CDH13: variants seen among roughly 807,000 people sequenced by gnomAD.
CDH13 encodes cadherin-13.
A neutral mutation model predicts 63.8 loss-of-function variants in CDH13; 24 were observed. The ratio of observed to expected loss-of-function variants is 0.38; its 90% CI spans 0.27 to 0.53. The LOEUF (loss-of-function observed/expected upper bound fraction) is 0.53, where lower values mean the gene tolerates loss of function less well. Ranked by LOEUF, CDH13 falls within the 20% of genes least tolerant of loss-of-function variation. The probability of loss-of-function intolerance (pLI) is 0.85; values close to 1 mark genes in which losing one functional copy is unlikely to be tolerated. For synonymous variants in CDH13, 503 were observed against 355.3 expected, an observed-to-expected ratio of 1.42 and a Z score of -4.67; for missense variants, 1,049 against 903.1, an observed-to-expected ratio of 1.16 and a Z score of -2.07.
chr16:83,188,922 T>C (rs9924254), intron 4 of CDH13, among the ~76,000 whole-genome samples: 13,955 of 152,132 alleles, frequency 0.092, 1,298 homozygotes, highest in African/African-American at 0.24. Context: ...AGAGGCACGC[T>C]TGGAGTGAGA....
At chr16:83,693,302 T>G (rs552764884) in intron 10 of CDH13, among the ~76,000 whole-genome samples, 51 of 152,196 alleles carry the variant, frequency 3.4e-4, no homozygotes, top group African/African-American at 1.2e-3. Flanking sequence ...ATAAAAGAAT[T>G]CAGGGAAAGT....
At chr16:82,732,548 A>T (rs1183336213) in intron 1 of CDH13, among the ~76,000 whole-genome samples, 1 of 152,210 alleles carries the variant, frequency 6.6e-6, no homozygotes, top group Non-Finnish European at 1.5e-5. Context: ...CAGGAAGATG[A>T]ATGGAATGGA....
intron 8 of CDH13, among the ~76,000 whole-genome samples, chr16:83,645,195 A>T (rs909942899): frequency 6.6e-6 from 1 of 152,234 alleles, no homozygotes; most frequent in Non-Finnish European, 1.5e-5. Flanking sequence ...GTGTATACAC[A>T]GGTGAAATAC....
chr16:83,483,539 T>C (rs1376875894), intron 6 of CDH13, among the ~76,000 whole-genome samples: 1 of 152,036 alleles, frequency 6.6e-6, no homozygotes, highest in African/African-American at 2.4e-5. Flanking sequence ...TTCATTTTTA[T>C]ACCTTCCATG....
intron 10 of CDH13, among the ~76,000 whole-genome samples, chr16:83,709,073 G>A (rs1567536906): frequency 6.6e-6 from 1 of 151,980 alleles, no homozygotes; most frequent in Non-Finnish European, 1.5e-5. Flanking sequence ...TAAAATGGAG[G>A]CAGGAGGGTC....
intron 8 of CDH13, among the ~76,000 whole-genome samples, chr16:83,650,230 C>A (rs1005164402): frequency 6.6e-6 from 1 of 151,880 alleles, no homozygotes; most frequent in Non-Finnish European, 1.5e-5. Context: ...AAAAAAAATA[C>A]CTTTCTTCTT....
intron 2 of CDH13, among the ~76,000 whole-genome samples, chr16:82,894,667 A>C (rs994427135): frequency 2.0e-5 from 3 of 147,730 alleles, no homozygotes; most frequent in African/African-American, 7.6e-5. Flanking sequence ...AGAAAACAAT[A>C]ATATAATTCA....
intron 8 of CDH13, among the ~76,000 whole-genome samples, chr16:83,647,480 C>T (rs779480770): frequency 2.4e-4 from 36 of 152,256 alleles, no homozygotes; most frequent in Non-Finnish European, 4.3e-4. Flanking sequence ...GATGTTGGCT[C>T]ACTTTGGAAA....
chr16:83,772,157 A>G (rs996748762), intron 11 of CDH13, among the ~76,000 whole-genome samples: 1 of 152,228 alleles, frequency 6.6e-6, no homozygotes, highest in Admixed American at 6.5e-5. Context: ...CAATATTAAG[A>G]AAAGAAGTAG....
intron 8 of CDH13, among the ~76,000 whole-genome samples, chr16:83,631,708 G>A (rs992369478): frequency 3.9e-5 from 6 of 152,022 alleles, no homozygotes; most frequent in African/African-American, 1.4e-4. Flanking sequence ...TGTTGATGAG[G>A]GGAGCCAGCC....
Position 83,101,150 on chromosome 16 carries a change from TTATAATA to T in CDH13, c.367-24230_367-24224del, listed in dbSNP as rs577486756. 1.5e-4 allele frequency among the ~76,000 whole-genome samples: 23 copies of T among 151,768 alleles called. 1 individual carries two copies. In the East Asian group the frequency reaches 4.5e-3, roughly 29 times the overall value. ...ATCCCTGCATTTATGGGGCTTACAT[TTATAATA>T]TATATTTATATATCATTTGTCTCTT... On this transcript the variant is annotated intron_variant, in intron 3 of 13. Coordinates refer to ENST00000567109, the MANE Select transcript of CDH13 (RefSeq NM_001257.5).
chr16:83,634,338 A>G (rs1400439844), intron 8 of CDH13, among the ~76,000 whole-genome samples: 1 of 151,490 alleles, frequency 6.6e-6, no homozygotes, highest in Non-Finnish European at 1.5e-5. Context: ...CTCCACCTGT[A>G]GTTTTGTCAC....
At chr16:83,467,561 C>T (rs547871752) in intron 6 of CDH13, among the ~76,000 whole-genome samples, 4 of 152,308 alleles carry the variant, frequency 2.6e-5, no homozygotes, top group South Asian at 4.1e-4. Flanking sequence ...GCAACCGCTT[C>T]GTGCAGAGGA....
intron 7 of CDH13, among the ~76,000 whole-genome samples, chr16:83,507,133 T>C (rs1344607007): frequency 6.6e-6 from 1 of 152,242 alleles, no homozygotes; most frequent in African/African-American, 2.4e-5. Context: ...GCCCCTCCTC[T>C]GTGGACTTTT....
At chr16:82,740,366 G>A (rs565204804) in intron 1 of CDH13, among the ~76,000 whole-genome samples, 4 of 152,282 alleles carry the variant, frequency 2.6e-5, no homozygotes, top group African/African-American at 7.2e-5. Context: ...ACTTCAAATT[G>A]TATTATCCCA....
intron 1 of CDH13, among the ~76,000 whole-genome samples, chr16:82,745,534 G>A (rs543017583): frequency 5.3e-5 from 8 of 152,116 alleles, no homozygotes; most frequent in Admixed American, 2.6e-4. Flanking sequence ...AACACGGGAG[G>A]TGGAGGTTGC....
At chr16:82,665,856 C>G (rs1474380193) in intron 1 of CDH13, among the ~76,000 whole-genome samples, 1 of 152,038 alleles carries the variant, frequency 6.6e-6, no homozygotes, top group East Asian at 1.9e-4. Context: ...GAATACAAAG[C>G]CCATTTTATA....
At chr16:83,602,320 G>C in intron 7 of CDH13, 134 bp from the exon 8 acceptor site, 1 of 859,022 alleles carries the variant, frequency 1.2e-6, no homozygotes, top group South Asian at 1.4e-5. Context: ...AGGTAAAAAT[G>C]TTATCACTCT....
At chr16:83,476,874 C>T (rs1598108856) in intron 6 of CDH13, among the ~76,000 whole-genome samples, 1 of 152,150 alleles carries the variant, frequency 6.6e-6, no homozygotes, top group African/African-American at 2.4e-5. Context: ...TTTCAGGCAA[C>T]ATCATTTAAT....
Sources: allele counts gnomAD v4.1 joint callset (sites outside exome capture counted in the v4.1 genomes callset), GRCh38; gene constraint gnomAD v4.1.1; transcripts MANE v1.5; gene names NCBI Gene and HGNC (gene_info 2026-07-23, HGNC 2026-07-21).